The following HDAC9 variants were observed in gnomAD, a reference collection of about 807,000 sequenced individuals.
HDAC9 encodes histone deacetylase 9, also known as MEF-2 interacting transcription repressor (MITR) protein.
A neutral mutation model predicts 139.4 loss-of-function variants in HDAC9; 41 were observed. That is an observed-to-expected ratio of 0.29 (90% CI 0.23 to 0.38). The LOEUF (loss-of-function observed/expected upper bound fraction) is 0.38. Among genes scored for constraint, HDAC9 ranks in the 10% least tolerant of loss-of-function variants. The probability of loss-of-function intolerance (pLI) is 1.00; values close to 1 mark genes in which losing one functional copy is unlikely to be tolerated. For synonymous variants in HDAC9, 517 were observed against 476.2 expected, an observed-to-expected ratio of 1.09 and a Z score of -1.12; for missense variants, 1,147 against 1,297.0, an observed-to-expected ratio of 0.88 and a Z score of 1.78.
intron 12 of HDAC9, among the ~76,000 whole-genome samples, chr7:18,705,302 T>C (rs1368007323): frequency 6.6e-6 from 1 of 152,124 alleles, no homozygotes; most frequent in Non-Finnish European, 1.5e-5. Context: ...GACTCCTCCT[T>C]ACTAAGTGCT....
chr7:18,370,628 A>G (rs1784524272), intron 1 of HDAC9, among the ~76,000 whole-genome samples: 1 of 152,214 alleles, frequency 6.6e-6, no homozygotes, highest in Non-Finnish European at 1.5e-5. Context: ...CTCTGTAAGG[A>G]GCATATTCCA....
chr7:18,596,821 A>G lies in HDAC9; in HGVS notation c.664+2792A>G, dbSNP rs554359100. Among the ~76,000 whole-genome samples, 42 of 152,260 alleles carry G rather than the reference A, an allele frequency of 2.8e-4. 1 individual carries two copies. The highest frequency in any genetic ancestry group is 1.6e-3 in the Admixed American group (25 of 15,262). ...TCCTATCGTTTGATCTATGTATGAT[A>G]CTATTTTAGTTTCTTTTAAATCTAC... On this transcript the variant is annotated intron_variant, in intron 6 of 25. Coordinates refer to ENST00000686413, the MANE Select transcript of HDAC9 (RefSeq NM_178425.4).
In HDAC9 at chr7:18,403,062, T is replaced by G. The variant is rs568581667; in HGVS notation, c.-41-93200T>G. Among the ~76,000 whole-genome samples the G allele has an allele frequency of 8.3e-4, 127 of 152,314 alleles. 1 individual carries two copies. The highest frequency in any genetic ancestry group is 1.1e-3 in the Non-Finnish European group (72 of 68,032). On this transcript the variant is annotated intron_variant, in intron 1 of 3. Transcript: ENST00000413509. Reference sequence around the variant, plus strand: ...CTTAGGGAAATATGTTTACATTTCATTTCATATTGTACATCTGATTGCATG... The same window carrying G: ...CTTAGGGAAATATGTTTACATTTCAGTTCATATTGTACATCTGATTGCATG...
At chr7:18,831,779 G>A (rs1562971642) in intron 19 of HDAC9, among the ~76,000 whole-genome samples, 1 of 151,760 alleles carries the variant, frequency 6.6e-6, no homozygotes, top group Non-Finnish European at 1.5e-5. Flanking sequence ...AAAGCCAATA[G>A]ATGGCTTTTC....
intron 12 of HDAC9, among the ~76,000 whole-genome samples, chr7:18,695,764 C>T (rs1344208767): frequency 6.6e-6 from 1 of 152,138 alleles, no homozygotes; most frequent in African/African-American, 2.4e-5. Context: ...TTGAAGGATT[C>T]TTCCTTTTTC....
intron 17 of HDAC9, among the ~76,000 whole-genome samples, chr7:18,827,325 T>C (rs1344080972): frequency 6.6e-6 from 1 of 152,128 alleles, no homozygotes; most frequent in Non-Finnish European, 1.5e-5. Flanking sequence ...TAATTGCTTG[T>C]GTACATAGTT....
intron 23 of HDAC9, among the ~76,000 whole-genome samples, chr7:18,950,836 A>C (rs1437825432): frequency 1.3e-5 from 2 of 152,040 alleles, no homozygotes; most frequent in African/African-American, 4.8e-5. Context: ...AAAGTACAGA[A>C]ATATTAAAAT....
chr7:18,196,253 CAA>C (rs1463743154), intron 2 of HDAC9, among the ~76,000 whole-genome samples: 1 of 152,102 alleles, frequency 6.6e-6, no homozygotes, highest in Non-Finnish European at 1.5e-5. Context: ...GAGGGATGTA[CAA>C]TCTTAATAAA....
chr7:18,330,276 G>A (rs528187895), intron 1 of HDAC9, among the ~76,000 whole-genome samples: 2 of 151,568 alleles, frequency 1.3e-5, no homozygotes, highest in East Asian at 3.9e-4. Flanking sequence ...GGGGACACTT[G>A]GGGTGGTATT....
At chr7:18,443,442 TAAAA>T (rs1396700540) in intron 1 of HDAC9, among the ~76,000 whole-genome samples, 1 of 152,118 alleles carries the variant, frequency 6.6e-6, no homozygotes, top group Non-Finnish European at 1.5e-5. Context: ...ATGCACCTCA[TAAAA>T]GTAAATAGAA....
intron 6 of HDAC9, among the ~76,000 whole-genome samples, chr7:18,624,604 C>G (rs1283456860): frequency 6.6e-6 from 1 of 152,000 alleles, no homozygotes; most frequent in African/African-American, 2.4e-5. Context: ...AGCTAGTGAT[C>G]TTTTTCTGGG....
intron 1 of HDAC9, among the ~76,000 whole-genome samples, chr7:18,365,998 G>C (rs1026246336): frequency 1.4e-5 from 2 of 147,404 alleles, no homozygotes; most frequent in African/African-American, 2.5e-5. Flanking sequence ...ATTGTTTTCT[G>C]TCACCACGCA....
At chr7:18,236,695 C>G (rs1338640946) in intron 2 of HDAC9, among the ~76,000 whole-genome samples, 2 of 152,064 alleles carry the variant, frequency 1.3e-5, no homozygotes, top group African/African-American at 2.4e-5. Flanking sequence ...CATGTAGTGT[C>G]AGGAGGTAGT....
chr7:18,946,301 T>G (rs1262784333), intron 23 of HDAC9, among the ~76,000 whole-genome samples: 1 of 152,084 alleles, frequency 6.6e-6, no homozygotes, highest in African/African-American at 2.4e-5. Context: ...TTATATAAAA[T>G]TTTAGAATCA....
chr7:18,736,313 G>A (rs1786890427), intron 13 of HDAC9, among the ~76,000 whole-genome samples: 1 of 152,082 alleles, frequency 6.6e-6, no homozygotes, highest in Non-Finnish European at 1.5e-5. Flanking sequence ...GTCTTGTGCT[G>A]GTTTTCAAAG....
chr7:18,227,974 T>C (rs1793185778), intron 2 of HDAC9, among the ~76,000 whole-genome samples: 1 of 152,204 alleles, frequency 6.6e-6, no homozygotes, highest in Non-Finnish European at 1.5e-5. Flanking sequence ...ATGGCAATCT[T>C]CTTTAGTCTA....
chr7:18,888,864 C>G (rs1800413203), intron 22 of HDAC9, among the ~76,000 whole-genome samples: 1 of 152,120 alleles, frequency 6.6e-6, no homozygotes, highest in African/African-American at 2.4e-5. Context: ...TCAGGAACGA[C>G]TTTGTCTAGT....
intron 22 of HDAC9, among the ~76,000 whole-genome samples, chr7:18,881,325 T>C (rs994437185): frequency 6.6e-6 from 1 of 152,120 alleles, no homozygotes; most frequent in African/African-American, 2.4e-5. Flanking sequence ...CTTTTTTAGA[T>C]AGCCTTGATT....
chr7:18,213,310 A>C (rs987440450), intron 2 of HDAC9, among the ~76,000 whole-genome samples: 6 of 152,118 alleles, frequency 3.9e-5, no homozygotes, highest in Middle Eastern at 3.2e-3. Context: ...TTCTCCTTAC[A>C]ACCTCATGTA....
Sources: allele counts gnomAD v4.1 joint callset (sites outside exome capture counted in the v4.1 genomes callset), GRCh38; gene constraint gnomAD v4.1.1; transcripts MANE v1.5; gene names NCBI Gene and HGNC (gene_info 2026-07-23, HGNC 2026-07-21).